IDE: variants seen among roughly 807,000 people sequenced by gnomAD.
IDE encodes insulin degrading enzyme, also known as insulin-degrading enzyme.
In IDE, 58 loss-of-function variants were observed where a neutral mutation model predicts 133.2. The observed-to-expected ratio is 0.44, with a 90% CI of 0.35 to 0.54. The LOEUF is 0.54. Ranked by LOEUF, IDE falls within the 20% of genes least tolerant of loss-of-function variation. The pLI, the probability that IDE is intolerant of heterozygous loss-of-function variation, is 0.00. For missense variants in IDE, 981 were observed against 1,234.0 expected, an observed-to-expected ratio of 0.79 and a Z score of 3.07; for synonymous variants, 396 against 421.3, an observed-to-expected ratio of 0.94 and a Z score of 0.73.
chr10:92,517,670 T>C (rs745985031), intron 4 of IDE, among the ~76,000 whole-genome samples: 4 of 152,210 alleles, frequency 2.6e-5, no homozygotes, highest in Non-Finnish European at 5.9e-5. Context: ...TTCTCACTAA[T>C]GACCAGTTCA....
chr10:92,570,238 T>A (rs1483431304), intron 1 of IDE, among the ~76,000 whole-genome samples: 1 of 152,214 alleles, frequency 6.6e-6, no homozygotes, highest in African/African-American at 2.4e-5. Context: ...AAGTTGTTTT[T>A]CAAAATTAAT....
intron 1 of IDE, among the ~76,000 whole-genome samples, chr10:92,551,789 T>TGGTTACACAACAACGTG (rs1271682620): frequency 6.6e-6 from 1 of 151,894 alleles, no homozygotes; most frequent in Middle Eastern, 3.2e-3. Flanking sequence ...ATGATGGTGA[T>TGGTTACACAACAACGTG]GGTTACACAA....
At chr10:92,474,030 A>T (rs1026126445) in intron 17 of IDE, among the ~76,000 whole-genome samples, 2 of 152,056 alleles carry the variant, frequency 1.3e-5, no homozygotes, top group Non-Finnish European at 2.9e-5. Flanking sequence ...CAAGGTTAGT[A>T]CTTGGGTCAG....
intron 17 of IDE, among the ~76,000 whole-genome samples, chr10:92,471,870 T>G (rs1845985771): frequency 1.3e-5 from 2 of 152,148 alleles, no homozygotes; most frequent in Non-Finnish European, 2.9e-5. Flanking sequence ...GGCTAATTTT[T>G]GTATTTTTTG....
chr10:92,508,238 T>C (rs1242252097), intron 7 of IDE, 33 bp from the exon 8 acceptor site: 11 of 1,530,832 alleles, frequency 7.2e-6, no homozygotes, highest in South Asian at 6.9e-5. Flanking sequence ...ATACGATTGA[T>C]TGCATATGTG....
Position 92,483,246 on chromosome 10 carries a change from C to T in IDE, c.1739+9G>A. On this transcript the variant is annotated intron_variant, in intron 14 of 24. Transcript: ENST00000265986. ...TATAAGCTTTATAAGCTAGATTCAT[C>T]TTACATACCTGAAAAATTCAAAGTT... 6.8e-7 allele frequency: 1 copy of T among 1,463,342 alleles called. No homozygotes were observed. Among genetic ancestry groups the T allele is most frequent in the South Asian group, 1.1e-5 (1 of 87,828 alleles). The allele number at this position is 1,463,342 out of a possible 1,614,324, so 90.6% of individuals were successfully genotyped here.
chr10:92,487,129 A>C, intron 13 of IDE, 67 bp downstream of exon 13: 1 of 1,476,810 alleles, frequency 6.8e-7, no homozygotes. Context: ...GTAAGAAATC[A>C]TTTACCCAGT....
chr10:92,488,775 TAA>T (rs755955577), intron 12 of IDE, among the ~76,000 whole-genome samples: 5 of 121,344 alleles, frequency 4.1e-5, no homozygotes, highest in African/African-American at 8.2e-5. Context: ...AGACTCTGTC[TAA>T]AAAAAAAAAA....
intron 1 of IDE, among the ~76,000 whole-genome samples, chr10:92,566,918 G>A (rs1394608690): frequency 6.6e-6 from 1 of 152,132 alleles, no homozygotes; most frequent in Non-Finnish European, 1.5e-5. Flanking sequence ...TTAGACCCCA[G>A]CACAGGTCAG....
chr10:92,501,749 C>T (rs980001784), intron 11 of IDE, among the ~76,000 whole-genome samples: 19 of 151,484 alleles, frequency 1.3e-4, no homozygotes, highest in Admixed American at 5.9e-4. Flanking sequence ...CTGAGGTGGG[C>T]GGATCACCTG....
intron 21 of IDE, 106 bp downstream of exon 21, chr10:92,463,625 A>C: frequency 1.9e-6 from 2 of 1,051,930 alleles, no homozygotes; most frequent in East Asian, 2.4e-5. Context: ...CAACTCCCCA[A>C]ATAGGTAACG....
chr10:92,538,778 C>CCA (rs34593706), intron 1 of IDE, among the ~76,000 whole-genome samples: 3,686 of 41,222 alleles, frequency 0.089, 52 homozygotes, highest in East Asian at 0.22. Flanking sequence ...GCTTAATAGA[C>CCA]AAAAAAAAAA....
intron 4 of IDE, among the ~76,000 whole-genome samples, chr10:92,523,501 C>T (rs1230536881): frequency 1.3e-5 from 2 of 148,656 alleles, no homozygotes; most frequent in African/African-American, 5.0e-5. Flanking sequence ...GTCAGGAATT[C>T]GAGACCAGCC....
rs549827920 is a variant in IDE, at chr10:92,502,957, G to A, written c.1430+1837C>T. ...ACTTAAAATATTGGCAAGAAACTGCGTAGGAAACATTGTAACCTACTGGGT... is the reference window on the plus strand; with the variant it reads ...ACTTAAAATATTGGCAAGAAACTGCATAGGAAACATTGTAACCTACTGGGT... On this transcript the variant is annotated intron_variant, in intron 11 of 24. Coordinates refer to ENST00000265986, the MANE Select transcript of IDE (RefSeq NM_004969.4). Among the ~76,000 whole-genome samples, 22 of 152,226 alleles carry A rather than the reference G, an allele frequency of 1.4e-4. No individual in the cohort carries two copies. The South Asian group carries it at 3.3e-3, about 23-fold the overall frequency.
In IDE at chr10:92,454,502, C is replaced by A. The variant is rs780934544; in HGVS notation, c.3002G>T (p.Gly1001Val). ...VIQNMTEFKRGLPLFPLVKPH... is the reference protein window; with the variant it reads ...VIQNMTEFKRVLPLFPLVKPH... ...TTTCACAAGGGGAAACAGTGGCAGACCACGCTTGAATTCGGTCATGTTCTG... is the reference window on the plus strand; with the variant it reads ...TTTCACAAGGGGAAACAGTGGCAGAACACGCTTGAATTCGGTCATGTTCTG... Residue 1001 changes from glycine (G) to valine (V), a missense_variant, in exon 25 of 25, where the codon GGT (glycine) becomes GTT (valine). Coordinates refer to ENST00000265986, the MANE Select transcript of IDE (RefSeq NM_004969.4). 3.1e-5 allele frequency: 50 copies of A among 1,613,886 alleles called. No individual in the cohort carries two copies. Among genetic ancestry groups the A allele is most frequent in the Non-Finnish European group, 4.2e-5 (50 of 1,179,876 alleles).
chr10:92,459,508 T>G (rs748255185), intron 22 of IDE, among the ~76,000 whole-genome samples: 2 of 152,088 alleles, frequency 1.3e-5, no homozygotes, highest in Non-Finnish European at 2.9e-5. Context: ...TGAGTCCCCG[T>G]CCAAACAACA....
Position 92,497,308 on chromosome 10 carries a change from A to C in IDE, c.1431-6713T>G, listed in dbSNP as rs564334830. Among the ~76,000 whole-genome samples the C allele has an allele frequency of 3.3e-5, 5 of 152,306 alleles. No individual in the cohort carries two copies. In the East Asian group the frequency reaches 9.6e-4, roughly 29 times the overall value. ...ACAGGTAATCAAGTCTCAAAATTCA[A>C]AATAATTGTCTAACAATTAGGACTG... is the stretch of plus-strand genomic sequence containing the variant. On this transcript the variant is annotated intron_variant, in intron 11 of 24. Transcript: ENST00000265986.
chr10:92,514,630 G>A lies in IDE; in HGVS notation c.784+290C>T, dbSNP rs547734473. Reference sequence around the variant, plus strand: ...AAAAAAATTTTTTTTGGTAGAGACAGGATCTTACTATGTTGCCCAGGCTGG... The same window carrying A: ...AAAAAAATTTTTTTTGGTAGAGACAAGATCTTACTATGTTGCCCAGGCTGG... On this transcript the variant is annotated intron_variant, in intron 5 of 24. Transcript: ENST00000265986. Among the ~76,000 whole-genome samples the A allele has an allele frequency of 3.3e-5, 5 of 152,062 alleles. No individual in the cohort carries two copies. The South Asian group carries it at 1.0e-3, about 32-fold the overall frequency.
Position 92,566,407 on chromosome 10 carries a change from T to TCA in IDE, c.98+7514_98+7515insTG, listed in dbSNP as rs879368086. ...GACTCTATCTCTCTCTCTCTCTCTC[T>TCA]CTCTCTCACACACACACACACACAC... On this transcript the variant is annotated intron_variant, in intron 1 of 24. Coordinates refer to ENST00000265986, the MANE Select transcript of IDE (RefSeq NM_004969.4). 2.6e-3 allele frequency among the ~76,000 whole-genome samples: 374 copies of TCA among 141,834 alleles called. 2 individuals carry two copies. Among genetic ancestry groups the TCA allele is most frequent in the Middle Eastern group, 7.0e-3 (2 of 286 alleles). 93.0% of individuals were successfully genotyped at this position (141,834 alleles called of 152,430 possible). A position where few individuals can be genotyped will look rare whatever the true frequency, so the allele number is the denominator to read the frequency against.
Sources: gnomAD v4.1 joint callset for allele counts (sites outside exome capture counted in the v4.1 genomes callset) on GRCh38, gnomAD v4.1.1 for gene constraint, MANE v1.5 for transcripts, NCBI Gene and HGNC (gene_info 2026-07-23, HGNC 2026-07-21) for gene names.